SKAP2: variants seen among roughly 807,000 people sequenced by gnomAD.
SKAP2 encodes the protein src kinase-associated phosphoprotein 2.
Under a neutral mutation model 54.9 loss-of-function variants are expected in SKAP2, and 28 were observed. That is an observed-to-expected ratio of 0.51 (90% CI 0.38 to 0.70). SKAP2 has a LOEUF of 0.70. SKAP2 is among the 30% of genes least tolerant of loss of function. The pLI is 0.00. For missense variants in SKAP2, 356 were observed against 424.1 expected, an observed-to-expected ratio of 0.84 and a Z score of 1.41; for synonymous variants, 137 against 134.3, an observed-to-expected ratio of 1.02 and a Z score of -0.14.
At chr7:26,663,846 A>G (rs1305861924), downstream of SKAP2, among the ~76,000 whole-genome samples, 1 of 151,952 alleles carries the variant, frequency 6.6e-6, no homozygotes, top group African/African-American at 2.4e-5. Context: ...TTGACTTCCT[A>G]TTTTCATCTG....
chr7:26,804,256 C>T (rs540778529), intron 4 of SKAP2, among the ~76,000 whole-genome samples: 1 of 151,902 alleles, frequency 6.6e-6, no homozygotes, highest in Non-Finnish European at 1.5e-5. Context: ...TATATACCCA[C>T]AAAATTTTTT....
chr7:26,781,691 T>C (rs1783427280), intron 4 of SKAP2, among the ~76,000 whole-genome samples: 1 of 152,214 alleles, frequency 6.6e-6, no homozygotes, highest in African/African-American at 2.4e-5. Context: ...AGGACAATTT[T>C]TGATACCTCC....
intron 11 of SKAP2, among the ~76,000 whole-genome samples, chr7:26,671,527 G>A (rs966335303): frequency 1.3e-5 from 2 of 152,084 alleles, no homozygotes; most frequent in East Asian, 3.9e-4. Flanking sequence ...AGAGATTATA[G>A]GATAAAATCC....
intron 4 of SKAP2, among the ~76,000 whole-genome samples, chr7:26,815,646 G>T (rs545017778): frequency 6.6e-6 from 1 of 152,012 alleles, no homozygotes; most frequent in Non-Finnish European, 1.5e-5. Context: ...TATTGCCCAA[G>T]GGAGGACAAA....
At position 26,801,976 on chromosome 7, in the gene SKAP2, C is replaced by CA. The variant is rs1256563165; in HGVS notation, c.307+42053dup. Among the ~76,000 whole-genome samples the CA allele has an allele frequency of 2.6e-5, 4 of 152,060 alleles. No individual in the cohort carries two copies. In the East Asian group the frequency reaches 7.7e-4, roughly 29 times the overall value. On this transcript the variant is annotated intron_variant, in intron 4 of 12. Transcript: ENST00000345317. ...GCAATCCCTATCAAAATACCAATGACATTCTTCCCCAAAACAGAAAAAAAA... is the reference window on the plus strand; with the variant it reads ...GCAATCCCTATCAAAATACCAATGACAATTCTTCCCCAAAACAGAAAAAAAA...
At chr7:26,783,145 C>T (rs1397239568) in intron 4 of SKAP2, among the ~76,000 whole-genome samples, 1 of 152,160 alleles carries the variant, frequency 6.6e-6, no homozygotes, top group African/African-American at 2.4e-5. Context: ...CCAAGTCATT[C>T]TTCCTTTTTG....
At position 26,725,508 on chromosome 7, in the gene SKAP2, T is replaced by G; in HGVS notation, c.716A>C (p.Asp239Ala). The G allele has an allele frequency of 1.2e-6, 2 of 1,611,732 alleles. No individual in the cohort carries two copies. The highest frequency in any genetic ancestry group is 8.5e-7 in the Non-Finnish European group (1 of 1,179,212). Residue 239 changes from aspartate (D) to alanine (A), a missense_variant, in exon 9 of 13, where the codon GAT (aspartate) becomes GCT (alanine). Physicochemically the swap from Asp to Ala is moderately radical, Grantham distance 126 (BLOSUM62 -2). Transcript: ENST00000345317. ...DYDERGELYD[D>A]VDHPLPISNP... is the part of the protein sequence containing the mutation. ...GCTTATTGGTAGAGGATGATCAACATCATCATATAATTCTCCTCTCTCATC... is the reference window on the plus strand; with the variant it reads ...GCTTATTGGTAGAGGATGATCAACAGCATCATATAATTCTCCTCTCTCATC...
At chr7:26,839,412 T>C (rs1263085319) in intron 4 of SKAP2, among the ~76,000 whole-genome samples, 1 of 152,080 alleles carries the variant, frequency 6.6e-6, no homozygotes, top group Non-Finnish European at 1.5e-5. Context: ...AGCTAGCAAT[T>C]TGGCATATTA....
intron 9 of SKAP2, among the ~76,000 whole-genome samples, chr7:26,709,767 T>C (rs1352954417): frequency 2.0e-5 from 3 of 152,202 alleles, no homozygotes; most frequent in Admixed American, 2.0e-4. Flanking sequence ...GAGAATGTCA[T>C]TTCCTGGGAA....
intron 1 of SKAP2, among the ~76,000 whole-genome samples, chr7:26,856,670 C>T (rs1785170183): frequency 6.6e-6 from 1 of 152,086 alleles, no homozygotes; most frequent in Admixed American, 6.5e-5. Context: ...ATTACAGTAA[C>T]TTTTGCAAGA....
At chr7:26,789,773 C>A (rs897323434) in intron 4 of SKAP2, among the ~76,000 whole-genome samples, 1 of 152,088 alleles carries the variant, frequency 6.6e-6, no homozygotes, top group Non-Finnish European at 1.5e-5. Context: ...TAATTTTGTA[C>A]AGTCAAAGTT....
intron 6 of SKAP2, among the ~76,000 whole-genome samples, chr7:26,729,864 A>G (rs1007852323): frequency 6.6e-5 from 10 of 152,172 alleles, no homozygotes; most frequent in African/African-American, 9.7e-5. Flanking sequence ...TCAAAGAAAG[A>G]CCTAACTTTG....
chr7:26,672,736 C>A (rs1786269216), intron 11 of SKAP2, among the ~76,000 whole-genome samples: 2 of 151,958 alleles, frequency 1.3e-5, no homozygotes, highest in African/African-American at 4.8e-5. Context: ...AGAGTGTTGA[C>A]AAGACTGCAA....
intron 4 of SKAP2, among the ~76,000 whole-genome samples, chr7:26,814,459 T>C (rs1784222422): frequency 6.6e-6 from 1 of 151,760 alleles, no homozygotes; most frequent in East Asian, 1.9e-4. Context: ...TTTTATCTAA[T>C]ATTCTGTAAA....
Position 26,761,878 on chromosome 7 carries a change from C to T in SKAP2, c.308-21914G>A, listed in dbSNP as rs149593649. On this transcript the variant is annotated intron_variant, in intron 4 of 12. Transcript: ENST00000345317. ...TTGTGCCATTGCGCTCTAGCCAGGGCGACAGAGTGAGACTTTGTCTCCAAA... is the reference window on the plus strand; with the variant it reads ...TTGTGCCATTGCGCTCTAGCCAGGGTGACAGAGTGAGACTTTGTCTCCAAA... Among the ~76,000 whole-genome samples the T allele has an allele frequency of 4.7e-3, 713 of 152,208 alleles. 6 individuals are homozygous for T. The highest frequency in any genetic ancestry group is 0.016 in the African/African-American group (673 of 41,532).
chr7:26,697,237 T>C (rs770298000), intron 9 of SKAP2, among the ~76,000 whole-genome samples: 1 of 152,198 alleles, frequency 6.6e-6, no homozygotes, highest in East Asian at 1.9e-4. Flanking sequence ...TGAAAAGTTA[T>C]CTGCTGCTCG....
At chr7:26,761,070 G>C (rs980245854) in intron 4 of SKAP2, among the ~76,000 whole-genome samples, 4 of 152,128 alleles carry the variant, frequency 2.6e-5, no homozygotes, top group African/African-American at 7.2e-5. Flanking sequence ...TGAAATGCGC[G>C]AAAGTGGAAC....
chr7:26,746,821 A>G (rs1011385106), intron 4 of SKAP2: 1 of 152,134 alleles, frequency 6.6e-6, no homozygotes, highest in Non-Finnish European at 1.5e-5. Flanking sequence ...AGTTTCAATT[A>G]TATCAAATGT....
chr7:26,767,464 T>G (rs1783085525), intron 4 of SKAP2, among the ~76,000 whole-genome samples: 1 of 152,234 alleles, frequency 6.6e-6, no homozygotes, highest in Admixed American at 6.5e-5. Context: ...CTCTATCTCC[T>G]TCCGTTCTGC....
Sources: allele counts gnomAD v4.1 joint callset (sites outside exome capture counted in the v4.1 genomes callset), GRCh38; gene constraint gnomAD v4.1.1; transcripts MANE v1.5; gene names NCBI Gene and HGNC (gene_info 2026-07-23, HGNC 2026-07-21).